Variants in ZNF723 observed in about 807,000 individuals in gnomAD.
The protein encoded by ZNF723 is zinc finger protein 723, pseudogene.
A neutral mutation model predicts 9.4 loss-of-function variants in ZNF723; 5 were observed. The observed-to-expected ratio is 0.53, with a 90% CI of 0.28 to 1.12. ZNF723 has a LOEUF of 1.12. Among genes scored for constraint, ZNF723 ranks in the 50% most tolerant of loss-of-function variants. The pLI is 0.10. For synonymous variants in ZNF723, 158 were observed against 168.8 expected (o/e 0.94, Z 0.49); for missense variants, 450 against 501.5 (o/e 0.90, Z 0.98).
At chr19:22,855,125 A>G (rs57280450) in intron 3 of ZNF723, among the ~76,000 whole-genome samples, 2,017 of 152,192 alleles carry the variant, frequency 0.013, 41 homozygotes, top group African/African-American at 0.046. Context: ...AATAATTACA[A>G]ATGTTTTCTG....
chr19:22,819,485 A>T, the ZNF723 span, among the ~76,000 whole-genome samples: 2 of 152,114 alleles, frequency 1.3e-5, no homozygotes, highest in Non-Finnish European at 2.9e-5. Context: ...TGATATGACT[A>T]TAGTTTTCTT....
intron 1 of ZNF723, among the ~76,000 whole-genome samples, chr19:22,834,122 G>A (rs960244955): frequency 1.3e-5 from 2 of 151,648 alleles, no homozygotes; most frequent in Admixed American, 6.6e-5. Flanking sequence ...CACCATGTTG[G>A]CCAGGCTGGT....
intron 1 of ZNF723, 78 bp downstream of exon 1, chr19:22,832,460 C>T (rs1268872116): frequency 1.6e-6 from 2 of 1,285,400 alleles, no homozygotes; most frequent in Non-Finnish European, 2.2e-6. Context: ...TGGCGGGACT[C>T]AGGCCTCCCT....
At chr19:22,814,032 GTGATCTTA>G in the ZNF723 span, among the ~76,000 whole-genome samples, 1 of 151,850 alleles carries the variant, frequency 6.6e-6, no homozygotes, top group Non-Finnish European at 1.5e-5. Flanking sequence ...GTCTGGTCTT[GTGATCTTA>G]TGATCTTATG....
chr19:22,836,395 T>A (rs1404980681), intron 1 of ZNF723, among the ~76,000 whole-genome samples: 1 of 152,152 alleles, frequency 6.6e-6, no homozygotes, highest in Non-Finnish European at 1.5e-5. Context: ...AAAAATTAAA[T>A]TCTAAAGGAG....
At chr19:22,827,432 T>G (rs947638403), upstream of ZNF723, among the ~76,000 whole-genome samples, 1 of 99,152 alleles carries the variant, frequency 1.0e-5, no homozygotes, top group African/African-American at 5.5e-5. Flanking sequence ...ACTATTTTTT[T>G]TTTTTGTTTT....
At chr19:22,844,634 C>G (rs1337785605) in intron 1 of ZNF723, among the ~76,000 whole-genome samples, 1 of 152,106 alleles carries the variant, frequency 6.6e-6, no homozygotes, top group Non-Finnish European at 1.5e-5. Flanking sequence ...CTTTTATTGC[C>G]TCTGTAAACT....
chr19:22,830,155 G>A (rs1967079493), upstream of ZNF723, among the ~76,000 whole-genome samples: 1 of 151,488 alleles, frequency 6.6e-6, no homozygotes, highest in Non-Finnish European at 1.5e-5. Context: ...ATTATCCTAT[G>A]TCTGTTCAAA....
chr19:22,831,870 G>C (rs1322461324), upstream of ZNF723, among the ~76,000 whole-genome samples: 2 of 151,316 alleles, frequency 1.3e-5, no homozygotes, highest in East Asian at 2.0e-4. Flanking sequence ...ATCGTGCCAC[G>C]GCACTCCATC....
the ZNF723 span, among the ~76,000 whole-genome samples, chr19:22,814,104 G>A: frequency 6.6e-6 from 1 of 152,050 alleles, no homozygotes. Flanking sequence ...AAGCCACCAC[G>A]CCCGGCCAGC....
At chr19:22,826,614 A>G in the ZNF723 span, among the ~76,000 whole-genome samples, 7 of 152,150 alleles carry the variant, frequency 4.6e-5, no homozygotes, top group African/African-American at 1.7e-4. Flanking sequence ...ACTCATGAAC[A>G]CAGTTCACAG....
At chr19:22,839,413 C>T (rs1967209727) in intron 1 of ZNF723, among the ~76,000 whole-genome samples, 1 of 151,476 alleles carries the variant, frequency 6.6e-6, no homozygotes, top group Non-Finnish European at 1.5e-5. Context: ...CTCCCACCAG[C>T]AGCGTATAAG....
At chr19:22,837,276 TAA>T (rs35892606) in intron 1 of ZNF723, among the ~76,000 whole-genome samples, 61 of 124,936 alleles carry the variant, frequency 4.9e-4, no homozygotes, top group Admixed American at 7.6e-4. Context: ...GACTCTGGCT[TAA>T]AAAAAAAAAA....
At chr19:22,821,585 G>A in the ZNF723 span, among the ~76,000 whole-genome samples, 1 of 152,138 alleles carries the variant, frequency 6.6e-6, no homozygotes, top group African/African-American at 2.4e-5. Context: ...CCCACAGAGT[G>A]GACATTGACG....
chr19:22,857,354 C>T lies in ZNF723; in HGVS notation c.463C>T (p.His155Tyr), dbSNP rs1599482337. 1 of 825,336 alleles carries T rather than the reference C, an allele frequency of 1.2e-6. No individual in the cohort carries two copies. Among genetic ancestry groups the T allele is most frequent in the African/African-American group, 1.7e-5 (1 of 59,486 alleles). 51.1% of individuals were successfully genotyped at this position (825,336 alleles called of 1,614,324 possible). The part of the protein sequence containing the change: ...FQCDKYVKVF[H>Y]KFSSSNSQKI... ...ATGTGATAAATATGTAAAAGTCTTT[C>T]ATAAATTTTCAAGTTCAAATAGCCA... The change falls in exon 4 of 4, where the codon CAT becomes TAT. Residue 155 changes from histidine to tyrosine, a missense_variant. Transcript: ENST00000600766.
rs967614464 is a variant in ZNF723 at position 22,832,354 on chromosome 19, C to G, written c.-26C>G. 11 of 1,381,002 alleles carry G rather than the reference C, an allele frequency of 8.0e-6. No homozygotes were observed. The highest frequency in any genetic ancestry group is 1.0e-5 in the Non-Finnish European group (10 of 986,508). 85.5% of individuals were successfully genotyped at this position (1,381,002 alleles called of 1,614,324 possible). On this transcript the variant is annotated 5_prime_UTR_variant, in exon 1 of 4. Transcript: ENST00000600766. ...TGCATTGGGAGATCCACAGCTAAGA[C>G]GCCAGGACTCCCTGGAAGCCTAGAA...
the ZNF723 span, among the ~76,000 whole-genome samples, chr19:22,815,366 A>G: frequency 6.6e-6 from 1 of 152,064 alleles, no homozygotes; most frequent in Non-Finnish European, 1.5e-5. Context: ...GCACCAGGTG[A>G]TGTGTCTGTC....
At chr19:22,856,305 T>C (rs1967478281) in intron 3 of ZNF723, among the ~76,000 whole-genome samples, 1 of 152,146 alleles carries the variant, frequency 6.6e-6, no homozygotes, top group African/African-American at 2.4e-5. Flanking sequence ...ACCTCCACAA[T>C]TTCTGTTTTT....
At chr19:22,832,877 A>G (rs781251411) in intron 1 of ZNF723, among the ~76,000 whole-genome samples, 73 of 152,194 alleles carry the variant, frequency 4.8e-4, no homozygotes, top group Admixed American at 2.9e-3. Context: ...GGGCTTGAAG[A>G]AAAGACTTTT....
Sources: allele counts gnomAD v4.1 joint callset (sites outside exome capture counted in the v4.1 genomes callset), GRCh38; gene constraint gnomAD v4.1.1; transcripts MANE v1.5; gene names NCBI Gene and HGNC (gene_info 2026-07-23, HGNC 2026-07-21).